Variants in SLC12A6 observed in about 807,000 individuals in gnomAD.
SLC12A6 encodes K-Cl cotransporter 3.
In SLC12A6, 66 loss-of-function variants were observed where a neutral mutation model predicts 135.3. That is an observed-to-expected ratio of 0.49 (90% CI 0.40 to 0.60). SLC12A6 has a LOEUF of 0.60. Ranked by LOEUF, SLC12A6 falls within the 20% of genes least tolerant of loss-of-function variation. The pLI is 0.00. For synonymous variants in SLC12A6, 513 were observed against 508.8 expected, an observed-to-expected ratio of 1.01 and a Z score of -0.11; for missense variants, 1,058 against 1,452.3, an observed-to-expected ratio of 0.73 and a Z score of 4.41.
intron 13 of SLC12A6, among the ~76,000 whole-genome samples, chr15:34,246,105 G>A (rs1891972029): frequency 6.6e-6 from 1 of 152,024 alleles, no homozygotes; most frequent in Non-Finnish European, 1.5e-5. Flanking sequence ...GCTAATTTTT[G>A]TATTTTGAGT....
intron 2 of SLC12A6, among the ~76,000 whole-genome samples, chr15:34,328,761 T>C (rs59452641): frequency 7.9e-5 from 12 of 151,988 alleles, no homozygotes; most frequent in Non-Finnish European, 2.9e-5. Context: ...TGCATGCCTG[T>C]AGTCCCAGCT....
intron 2 of SLC12A6, among the ~76,000 whole-genome samples, chr15:34,291,279 T>C (rs1217146646): frequency 6.6e-6 from 1 of 152,212 alleles, no homozygotes; most frequent in Non-Finnish European, 1.5e-5. Context: ...GGGTTGAAAA[T>C]TCTTTTCTTT....
At chr15:34,311,240 A>G (rs1345628069) in intron 2 of SLC12A6, among the ~76,000 whole-genome samples, 1 of 152,176 alleles carries the variant, frequency 6.6e-6, no homozygotes, top group Non-Finnish European at 1.5e-5. Context: ...CCTAATCCAT[A>G]GGCAATATAA....
chr15:34,240,392 CTTAGA>C (rs1364208465), intron 19 of SLC12A6, among the ~76,000 whole-genome samples: 4 of 152,102 alleles, frequency 2.6e-5, no homozygotes, highest in Non-Finnish European at 4.4e-5. Flanking sequence ...TTTCTCAGTG[CTTAGA>C]TTAATGTTTG....
intron 2 of SLC12A6, among the ~76,000 whole-genome samples, chr15:34,292,934 C>T (rs1343733284): frequency 6.6e-6 from 1 of 152,186 alleles, no homozygotes; most frequent in Non-Finnish European, 1.5e-5. Context: ...CTTCCCTTGG[C>T]TAGGAAAGGG....
intron 17 of SLC12A6, among the ~76,000 whole-genome samples, chr15:34,241,748 T>C (rs1223357442): frequency 6.6e-6 from 1 of 152,274 alleles, no homozygotes; most frequent in Non-Finnish European, 1.5e-5. Flanking sequence ...AAGCTGTAAG[T>C]CTTAGTAGTT....
In SLC12A6 at chr15:34,335,059, C is replaced by T. The variant is rs558712871; in HGVS notation, c.271+1351G>A. 9.8e-4 allele frequency among the ~76,000 whole-genome samples: 149 copies of T among 152,198 alleles called. No individual in the cohort carries two copies. In the South Asian group the frequency reaches 0.014, roughly 14 times the overall value. On this transcript the variant is annotated intron_variant, in intron 2 of 25. Transcript: ENST00000354181. ...TAGTCTTTACCTGGAATTTTTACAA[C>T]CTAAATACAGCATGATGGATAAAAA...
intron 9 of SLC12A6, among the ~76,000 whole-genome samples, chr15:34,253,424 A>G (rs958117790): frequency 6.6e-6 from 1 of 152,206 alleles, no homozygotes; most frequent in Non-Finnish European, 1.5e-5. Flanking sequence ...TGCCCCTAAA[A>G]AGGACCTTCA....
At chr15:34,320,673 T>C (rs1352302459) in intron 2 of SLC12A6, among the ~76,000 whole-genome samples, 1 of 151,646 alleles carries the variant, frequency 6.6e-6, no homozygotes, top group South Asian at 2.1e-4. Context: ...TCCCAGCACT[T>C]TGGGAGGCCG....
In SLC12A6 at chr15:34,241,545, G is replaced by A. The variant is rs577273647; in HGVS notation, c.2163-208C>T. Among the ~76,000 whole-genome samples the A allele has an allele frequency of 3.3e-5, 5 of 152,262 alleles. No homozygotes were observed. The East Asian group carries it at 9.6e-4, about 29-fold the overall frequency. ...ACCAACAGACTGCACTGCACAAACA[G>A]TTCCCAATAAAGCCTGAAGGGGTCA... On this transcript the variant is annotated intron_variant, in intron 17 of 25. Coordinates refer to ENST00000354181, the MANE Select transcript of SLC12A6 (RefSeq NM_001365088.1).
intron 2 of SLC12A6, among the ~76,000 whole-genome samples, chr15:34,316,612 C>G (rs1009939968): frequency 1.6e-4 from 24 of 152,158 alleles, no homozygotes; most frequent in Non-Finnish European, 3.1e-4. Context: ...TAGATTATAT[C>G]TGTCACTTCT....
intron 3 of SLC12A6, among the ~76,000 whole-genome samples, chr15:34,271,620 C>T (rs1893956136): frequency 6.6e-6 from 1 of 151,952 alleles, no homozygotes; most frequent in South Asian, 2.1e-4. Flanking sequence ...CACACACACA[C>T]ACACACACAG....
At chr15:34,318,658 A>G in intron 2 of SLC12A6, 2 of 1,612,932 alleles carry the variant, frequency 1.2e-6, no homozygotes, top group East Asian at 4.5e-5. Flanking sequence ...CCTCTACCTT[A>G]GTCACAGTAA....
intron 2 of SLC12A6, among the ~76,000 whole-genome samples, chr15:34,298,495 T>TAAATA (rs1896027803): frequency 6.6e-6 from 1 of 150,630 alleles, no homozygotes; most frequent in African/African-American, 2.4e-5. Flanking sequence ...AATAAATAAA[T>TAAATA]AAATAAAATA....
At chr15:34,320,708 A>G (rs536877610) in intron 2 of SLC12A6, among the ~76,000 whole-genome samples, 3 of 151,620 alleles carry the variant, frequency 2.0e-5, no homozygotes, top group African/African-American at 7.3e-5. Context: ...AGAGGTCAGG[A>G]GATCAAGACC....
At chr15:34,275,280 G>A (rs368351676) in intron 3 of SLC12A6, 65 bp downstream of exon 3, 9 of 822,082 alleles carry the variant, frequency 1.1e-5, no homozygotes, top group Non-Finnish European at 1.9e-5. Context: ...AGGGAGTAAT[G>A]TCTGTTAGGA....
chr15:34,262,080 C>A (rs1427099577), intron 3 of SLC12A6, among the ~76,000 whole-genome samples: 1 of 152,188 alleles, frequency 6.6e-6, no homozygotes, highest in Non-Finnish European at 1.5e-5. Flanking sequence ...TGAAACCCAA[C>A]CTTCAAGCCA....
chr15:34,286,996 C>CTTT (rs142253292), intron 2 of SLC12A6, among the ~76,000 whole-genome samples: 1 of 148,894 alleles, frequency 6.7e-6, no homozygotes, highest in Non-Finnish European at 1.5e-5. Flanking sequence ...AAAGCAAGTA[C>CTTT]TTTTTTTTTT....
intron 2 of SLC12A6, among the ~76,000 whole-genome samples, chr15:34,329,056 C>A (rs1173417482): frequency 6.6e-6 from 1 of 152,204 alleles, no homozygotes; most frequent in African/African-American, 2.4e-5. Context: ...TACACTATAG[C>A]TCTCCAAACT....
Sources: allele counts gnomAD v4.1 joint callset (sites outside exome capture counted in the v4.1 genomes callset), GRCh38; gene constraint gnomAD v4.1.1; transcripts MANE v1.5; gene names NCBI Gene and HGNC (gene_info 2026-07-23, HGNC 2026-07-21).